Variants in MACROD2 observed in about 807,000 individuals in gnomAD.
MACROD2 encodes the protein ADP-ribose glycohydrolase MACROD2.
MACROD2 carries 36 observed loss-of-function variants against 70.4 expected under a neutral mutation model. The observed-to-expected ratio is 0.51, with a 90% confidence interval of 0.39 to 0.68. The LOEUF (loss-of-function observed/expected upper bound fraction) is 0.68. Among genes scored for constraint, MACROD2 ranks in the 30% least tolerant of loss-of-function variants. MACROD2 has a pLI of 0.00. For missense variants in MACROD2, 496 were observed against 538.4 expected (o/e 0.92, Z 0.78); for synonymous variants, 172 against 178.8 (o/e 0.96, Z 0.30).
chr20:16,026,225 C>G (rs146638355), intron 15 of MACROD2, among the ~76,000 whole-genome samples: 31 of 152,190 alleles, frequency 2.0e-4, no homozygotes, highest in African/African-American at 7.0e-4. Context: ...AAGCTTTGAT[C>G]CTGAAACATC....
chr20:14,570,608 G>A (rs917187310), intron 4 of MACROD2, among the ~76,000 whole-genome samples: 14 of 151,866 alleles, frequency 9.2e-5, no homozygotes, highest in Admixed American at 2.0e-4. Flanking sequence ...TAAAGCCAAT[G>A]AAAATTTGGG....
chr20:15,577,860 A>G (rs2048470483), intron 8 of MACROD2, among the ~76,000 whole-genome samples: 2 of 152,044 alleles, frequency 1.3e-5, no homozygotes, highest in African/African-American at 4.8e-5. Context: ...TTTCCTTTTC[A>G]CTGTTGATTG....
At chr20:14,879,757 T>A (rs2073590189) in intron 5 of MACROD2, among the ~76,000 whole-genome samples, 1 of 152,166 alleles carries the variant, frequency 6.6e-6, no homozygotes, top group Admixed American at 6.5e-5. Flanking sequence ...TTTTTATTTT[T>A]TAAAGCAAAT....
intron 8 of MACROD2, among the ~76,000 whole-genome samples, chr20:15,504,054 A>G (rs1296134643): frequency 6.6e-6 from 1 of 152,214 alleles, no homozygotes; most frequent in East Asian, 1.9e-4. Flanking sequence ...CTAAACCATC[A>G]GGAATGTGCA....
rs549084830 is a variant in MACROD2 at position 15,996,714 on chromosome 20, T to A, written c.1153+9556T>A. Among the ~76,000 whole-genome samples the A allele has an allele frequency of 9.2e-5, 14 of 152,250 alleles. No individual in the cohort carries two copies. The South Asian group carries it at 2.9e-3, about 32-fold the overall frequency. On this transcript the variant is annotated intron_variant, in intron 15 of 17. Transcript: ENST00000684519. ...TAGAAGCTTTTTAGTTTAATGAATA[T>A]CTGTTTATTTATTTTTGCTTTTTTC... is the stretch of plus-strand genomic sequence containing the variant.
At chr20:15,765,849 G>A (rs1209999265) in intron 8 of MACROD2, among the ~76,000 whole-genome samples, 2 of 152,066 alleles carry the variant, frequency 1.3e-5, no homozygotes, top group Non-Finnish European at 2.9e-5. Context: ...TCTATACAAT[G>A]TAAGTATTTG....
chr20:14,011,326 G>A (rs1324955947), intron 2 of MACROD2, among the ~76,000 whole-genome samples: 1 of 152,148 alleles, frequency 6.6e-6, no homozygotes, highest in African/African-American at 2.4e-5. Context: ...AGGTTTGGAG[G>A]TTAGCAGCCT....
chr20:15,168,690 A>C (rs907706956), intron 5 of MACROD2, among the ~76,000 whole-genome samples: 1 of 152,110 alleles, frequency 6.6e-6, no homozygotes, highest in Non-Finnish European at 1.5e-5. Flanking sequence ...ACTTAGCCAT[A>C]AAAAGAATGA....
chr20:15,501,816 T>C (rs1247966566), intron 8 of MACROD2, among the ~76,000 whole-genome samples: 1 of 152,220 alleles, frequency 6.6e-6, no homozygotes, highest in African/African-American at 2.4e-5. Flanking sequence ...AAAAGCTAAA[T>C]AAATTGATTA....
At chr20:14,419,489 G>A (rs553346342) in intron 3 of MACROD2, among the ~76,000 whole-genome samples, 1 of 152,230 alleles carries the variant, frequency 6.6e-6, no homozygotes, top group Non-Finnish European at 1.5e-5. Context: ...GAATTGACAG[G>A]AAAATTTGGA....
At chr20:15,564,660 T>G (rs529827072) in intron 8 of MACROD2, among the ~76,000 whole-genome samples, 1 of 152,260 alleles carries the variant, frequency 6.6e-6, no homozygotes, top group East Asian at 1.9e-4. Flanking sequence ...TGAAAATGCT[T>G]TTTCTTCTTT....
At chr20:15,738,689 A>T (rs573910697) in intron 8 of MACROD2, among the ~76,000 whole-genome samples, 3 of 152,172 alleles carry the variant, frequency 2.0e-5, no homozygotes, top group Non-Finnish European at 4.4e-5. Flanking sequence ...ATTGATGAAG[A>T]TGGATAAGGT....
chr20:15,108,039 G>A (rs2075925496), intron 5 of MACROD2, among the ~76,000 whole-genome samples: 1 of 148,242 alleles, frequency 6.7e-6, no homozygotes, highest in African/African-American at 2.5e-5. Flanking sequence ...TCACTTACTA[G>A]AAGGCAGTAG....
chr20:14,493,216 A>G (rs556986178), intron 3 of MACROD2, among the ~76,000 whole-genome samples: 1 of 152,118 alleles, frequency 6.6e-6, no homozygotes, highest in South Asian at 2.1e-4. Context: ...AACAGTCTCA[A>G]TTTGTGCTTA....
intron 5 of MACROD2, among the ~76,000 whole-genome samples, chr20:15,176,845 T>C (rs2076465850): frequency 6.6e-6 from 1 of 152,132 alleles, no homozygotes; most frequent in African/African-American, 2.4e-5. Context: ...ACCTAGGGAA[T>C]CCCCTAGCCA....
intron 5 of MACROD2, among the ~76,000 whole-genome samples, chr20:15,162,182 A>G (rs383066): frequency 0.52 from 78,273 of 151,880 alleles, 20,268 homozygotes; most frequent in East Asian, 0.56. Context: ...AAAGTAAAGG[A>G]GATCCCCAAG....
chr20:14,913,874 A>G (rs1031771788), intron 5 of MACROD2, among the ~76,000 whole-genome samples: 11 of 151,268 alleles, frequency 7.3e-5, no homozygotes, highest in African/African-American at 2.2e-4. Flanking sequence ...AGTTTGTTTA[A>G]TGAACCATCT....
At chr20:15,865,857 C>A (rs1289322558) in intron 9 of MACROD2, among the ~76,000 whole-genome samples, 1 of 152,166 alleles carries the variant, frequency 6.6e-6, no homozygotes, top group African/African-American at 2.4e-5. Context: ...GTTCTGTATG[C>A]ACCACCCCTT....
In MACROD2 at chr20:14,772,835, T is replaced by G. The variant is rs979545013; in HGVS notation, c.418+87876T>G. 3.9e-5 allele frequency among the ~76,000 whole-genome samples: 6 copies of G among 152,120 alleles called. No individual in the cohort carries two copies. The East Asian group carries it at 1.2e-3, about 29-fold the overall frequency. ...GAAAAGTAGTTATTCCAGAAAAGAT[T>G]GTATTCCAGTTTCTGGTAAAAGAAA... On this transcript the variant is annotated intron_variant, in intron 5 of 17. Transcript: ENST00000684519.
Sources: gnomAD v4.1 joint callset for allele counts (sites outside exome capture counted in the v4.1 genomes callset) on GRCh38, gnomAD v4.1.1 for gene constraint, MANE v1.5 for transcripts, NCBI Gene and HGNC (gene_info 2026-07-23, HGNC 2026-07-21) for gene names.